Variants in NDST3 observed in about 807,000 individuals in gnomAD.
The protein encoded by NDST3 is bifunctional heparan sulfate N-deacetylase/N-sulfotransferase 3.
In NDST3, 58 loss-of-function variants were observed where a neutral mutation model predicts 96.1. The observed-to-expected ratio is 0.60, with a 90% CI of 0.49 to 0.75. NDST3 has a LOEUF of 0.75. NDST3 is among the 30% of genes least tolerant of loss of function. The pLI is 0.00. For synonymous variants in NDST3, 333 were observed against 359.7 expected, an observed-to-expected ratio of 0.93 and a Z score of 0.84; for missense variants, 788 against 1,034.2, an observed-to-expected ratio of 0.76 and a Z score of 3.27.
At chr4:118,144,021 A>T (rs1307549536) in intron 6 of NDST3, among the ~76,000 whole-genome samples, 1 of 152,026 alleles carries the variant, frequency 6.6e-6, no homozygotes, top group African/African-American at 2.4e-5. Flanking sequence ...TTCCATTTAG[A>T]CAACAGTTAC....
chr4:118,070,367 G>C (rs941345605), intron 2 of NDST3, among the ~76,000 whole-genome samples: 10 of 152,088 alleles, frequency 6.6e-5, no homozygotes, highest in African/African-American at 2.4e-4. Context: ...TTACATAACA[G>C]CCCCAGTGAA....
intron 6 of NDST3, among the ~76,000 whole-genome samples, chr4:118,152,095 C>T (rs1337693060): frequency 6.6e-6 from 1 of 152,094 alleles, no homozygotes; most frequent in East Asian, 1.9e-4. Context: ...TTCTAATGAA[C>T]TGATTTAAAA....
rs181585078 is a variant in NDST3 at position 118,073,338 on chromosome 4, A to T, written c.981+18447A>T. ...CTATGTCTGGTAGAATTCAGCTGTG[A>T]ATCCATCTGGTCCTGGGCTTTTCCT... On this transcript the variant is annotated intron_variant, in intron 2 of 13. Transcript: ENST00000296499. Among the ~76,000 whole-genome samples, 8 of 152,226 alleles carry T rather than the reference A, an allele frequency of 5.3e-5. No individual in the cohort carries two copies. In the East Asian group the frequency reaches 1.4e-3, roughly 26 times the overall value.
intron 2 of NDST3, 86 bp downstream of exon 2, chr4:118,054,977 AC>A (rs779077482): frequency 1.9e-6 from 3 of 1,547,378 alleles, no homozygotes; most frequent in Admixed American, 3.4e-5. Flanking sequence ...CAACTGGGTT[AC>A]CCAGGACATG....
At chr4:118,199,866 G>A (rs566582897) in intron 6 of NDST3, among the ~76,000 whole-genome samples, 2 of 152,032 alleles carry the variant, frequency 1.3e-5, no homozygotes, top group South Asian at 2.1e-4. Flanking sequence ...CTGGATTACC[G>A]GAGACTCTGG....
intron 8 of NDST3, among the ~76,000 whole-genome samples, chr4:118,229,884 GTT>G (rs1387356097): frequency 6.6e-6 from 1 of 152,096 alleles, no homozygotes; most frequent in Non-Finnish European, 1.5e-5. Flanking sequence ...GTAATTCTAA[GTT>G]ATATCTCAAT....
chr4:118,053,573 T>C (rs1006231369), intron 1 of NDST3, among the ~76,000 whole-genome samples, 183 bp from the exon 2 acceptor site: 2 of 151,852 alleles, frequency 1.3e-5, no homozygotes, highest in African/African-American at 4.8e-5. Flanking sequence ...ATGGACCCCT[T>C]TTCCTCTTTC....
Position 118,207,419 on chromosome 4 carries a change from C to T in NDST3, c.1540-17072C>T, listed in dbSNP as rs970004683. Among the ~76,000 whole-genome samples, 2 of 142,984 alleles carry T rather than the reference C, an allele frequency of 1.4e-5. 1 individual carries two copies. The highest frequency in any genetic ancestry group is 1.4e-4 in the Admixed American group (2 of 14,544). 93.8% of individuals were successfully genotyped at this position (142,984 alleles called of 152,430 possible). A position where few individuals can be genotyped will look rare whatever the true frequency, so the allele number is the denominator to read the frequency against. ...CATGAAGCAGATGAGTGTAGATTTG[C>T]GTGCTTTAAGCAGAAAGAAAATTTA... On this transcript the variant is annotated intron_variant, in intron 6 of 13. Coordinates refer to ENST00000296499, the MANE Select transcript of NDST3 (RefSeq NM_004784.3).
intron 1 of NDST3, among the ~76,000 whole-genome samples, chr4:118,049,511 A>G (rs1258423820): frequency 6.6e-6 from 1 of 151,936 alleles, no homozygotes; most frequent in Non-Finnish European, 1.5e-5. Flanking sequence ...GAGAATATCC[A>G]AAAAAGAACA....
chr4:118,149,116 C>G (rs1734181848), intron 6 of NDST3, among the ~76,000 whole-genome samples: 2 of 152,058 alleles, frequency 1.3e-5, no homozygotes, highest in South Asian at 4.2e-4. Flanking sequence ...TGATCTATAT[C>G]TGTGTTTTGG....
At chr4:118,245,123 C>T (rs1315041007) in intron 12 of NDST3, among the ~76,000 whole-genome samples, 1 of 152,046 alleles carries the variant, frequency 6.6e-6, no homozygotes, top group Non-Finnish European at 1.5e-5. Context: ...AAAAACAATG[C>T]TTAGCATGGA....
chr4:118,186,567 C>T (rs908598646), intron 6 of NDST3, among the ~76,000 whole-genome samples: 1 of 152,118 alleles, frequency 6.6e-6, no homozygotes, highest in Non-Finnish European at 1.5e-5. Context: ...GTTCTGCCTG[C>T]TTTTATTCTG....
At chr4:118,249,593 G>T (rs1227222929) in intron 12 of NDST3, among the ~76,000 whole-genome samples, 2 of 152,060 alleles carry the variant, frequency 1.3e-5, no homozygotes, top group Non-Finnish European at 2.9e-5. Context: ...TGAGAAACAG[G>T]CTTTACGTAA....
intron 6 of NDST3, among the ~76,000 whole-genome samples, chr4:118,200,749 G>C (rs1738022386): frequency 6.6e-6 from 1 of 152,118 alleles, no homozygotes; most frequent in Admixed American, 6.5e-5. Context: ...GGCATCCATA[G>C]ATGAGAGTAA....
intron 6 of NDST3, among the ~76,000 whole-genome samples, chr4:118,188,229 T>C (rs1462576357): frequency 2.0e-5 from 3 of 150,854 alleles, no homozygotes; most frequent in Non-Finnish European, 4.4e-5. Context: ...ACATTGATCA[T>C]AAACTATTTT....
At chr4:118,233,446 G>A (rs570472106) in intron 9 of NDST3, among the ~76,000 whole-genome samples, 11 of 151,852 alleles carry the variant, frequency 7.2e-5, no homozygotes, top group African/African-American at 1.7e-4. Context: ...CTTTCTACTC[G>A]TAAGGAAAAA....
At chr4:118,146,581 C>G (rs1020548806) in intron 6 of NDST3, among the ~76,000 whole-genome samples, 9 of 152,302 alleles carry the variant, frequency 5.9e-5, no homozygotes, top group African/African-American at 2.2e-4. Context: ...GAATAACTCT[C>G]TGGCCTGAAA....
At chr4:118,221,855 G>A (rs1739566310) in intron 6 of NDST3, among the ~76,000 whole-genome samples, 1 of 151,634 alleles carries the variant, frequency 6.6e-6, no homozygotes, top group African/African-American at 2.4e-5. Flanking sequence ...CAGTCCTTTT[G>A]GTGACAACTA....
chr4:118,221,760 G>T (rs1380521439), intron 6 of NDST3, among the ~76,000 whole-genome samples: 1 of 151,910 alleles, frequency 6.6e-6, no homozygotes, highest in East Asian at 1.9e-4. Context: ...ATATCTCACA[G>T]ACTAGAAAGA....
Sources: gnomAD v4.1 joint callset for allele counts (sites outside exome capture counted in the v4.1 genomes callset) on GRCh38, gnomAD v4.1.1 for gene constraint, MANE v1.5 for transcripts, NCBI Gene and HGNC (gene_info 2026-07-23, HGNC 2026-07-21) for gene names.